The following LINC00305 variants were observed in gnomAD, a reference collection of about 807,000 sequenced individuals.
LINC00305 encodes the protein long independently transcribed non-coding RNA 305.
At chr18:64,083,481 T>C (rs1568102324) in intron 3 of LINC00305, among the ~76,000 whole-genome samples, 1 of 152,230 alleles carries the variant, frequency 6.6e-6, no homozygotes, top group Admixed American at 6.5e-5. Context: ...TTCAATACAC[T>C]GTACGTGCTA....
chr18:64,122,014 C>T (rs1007441678), intron 1 of LINC00305, among the ~76,000 whole-genome samples: 2 of 151,814 alleles, frequency 1.3e-5, no homozygotes, highest in Non-Finnish European at 2.9e-5. Context: ...TGTCTTTTGC[C>T]CACTTTTTAA....
At chr18:64,142,430 A>G (rs1283917242) in intron 1 of LINC00305, among the ~76,000 whole-genome samples, 1 of 152,156 alleles carries the variant, frequency 6.6e-6, no homozygotes, top group Non-Finnish European at 1.5e-5. Context: ...TATTTACCAG[A>G]GGATTGTGAG....
chr18:64,095,077 G>A (rs2051240179), intron 3 of LINC00305, among the ~76,000 whole-genome samples: 1 of 151,968 alleles, frequency 6.6e-6, no homozygotes, highest in South Asian at 2.1e-4. Context: ...TTTCTTTTAG[G>A]CTGCTGGCTT....
chr18:64,144,080 C>T (rs2051485386), intron 1 of LINC00305, among the ~76,000 whole-genome samples: 3 of 152,054 alleles, frequency 2.0e-5, no homozygotes, highest in Admixed American at 1.3e-4. Context: ...TCTTTTTATG[C>T]CCTGTTTGGC....
At chr18:64,097,749 T>C (rs554052584) in intron 3 of LINC00305, 2 of 404,020 alleles carry the variant, frequency 5.0e-6, no homozygotes, top group East Asian at 7.2e-5. Context: ...AGTCCTCATA[T>C]TGAATACTAA....
Position 64,098,389 on chromosome 18 carries a change from C to T in LINC00305, n.378+188G>A, listed in dbSNP as rs137924977. Among the ~76,000 whole-genome samples the T allele has an allele frequency of 2.0e-3, 298 of 152,254 alleles. 1 individual carries two copies. Among genetic ancestry groups the T allele is most frequent in the African/African-American group, 7.0e-3 (291 of 41,564 alleles). On this transcript the variant is annotated intron_variant and non_coding_transcript_variant, in intron 2 of 3. Coordinates refer to ENST00000666468, the Ensembl canonical transcript of LINC00305. ...TAATTCTTTTTTAATTGGCATGGAT[C>T]ACACACCAGTTCCACATTCAATTAG...
intron 3 of LINC00305, among the ~76,000 whole-genome samples, chr18:64,089,630 G>A (rs2051217360): frequency 1.3e-5 from 2 of 152,156 alleles, no homozygotes; most frequent in African/African-American, 4.8e-5. Context: ...GCCTGTATTA[G>A]TCCATTTTCA....
intron 3 of LINC00305, among the ~76,000 whole-genome samples, chr18:64,081,456 T>C (rs2051184576): frequency 6.6e-6 from 1 of 152,198 alleles, no homozygotes; most frequent in Non-Finnish European, 1.5e-5. Context: ...GGGTATGAGC[T>C]CATAAGATGT....
chr18:64,126,105 T>C (rs557343685), intron 1 of LINC00305, among the ~76,000 whole-genome samples: 6 of 152,202 alleles, frequency 3.9e-5, no homozygotes, highest in Non-Finnish European at 7.4e-5. Flanking sequence ...TTACCCAGTC[T>C]GTGATATTTT....
At chr18:64,118,941 G>T (rs1252123424) in intron 1 of LINC00305, among the ~76,000 whole-genome samples, 2 of 151,070 alleles carry the variant, frequency 1.3e-5, no homozygotes, top group Non-Finnish European at 3.0e-5. Context: ...GTTGTTTGAT[G>T]ATTGATTTGT....
At chr18:64,127,796 A>T (rs1178542278) in intron 1 of LINC00305, among the ~76,000 whole-genome samples, 1 of 152,096 alleles carries the variant, frequency 6.6e-6, no homozygotes, top group Admixed American at 6.6e-5. Flanking sequence ...GTGTTTCTGC[A>T]TTGCTATTCT....
intron 1 of LINC00305, among the ~76,000 whole-genome samples, chr18:64,121,226 CAT>C (rs1463530318): frequency 2.6e-5 from 4 of 151,978 alleles, no homozygotes; most frequent in African/African-American, 7.2e-5. Context: ...ATTTATGGGA[CAT>C]ATGTGTAATT....
intron 3 of LINC00305, among the ~76,000 whole-genome samples, chr18:64,082,622 G>A (rs79551794): frequency 1.6e-3 from 237 of 152,264 alleles, no homozygotes; most frequent in African/African-American, 5.5e-3. Flanking sequence ...CACATCACTG[G>A]CTTGCTGACA....
intron 3 of LINC00305, among the ~76,000 whole-genome samples, chr18:64,096,879 A>T (rs1473179149): frequency 6.6e-6 from 1 of 151,968 alleles, no homozygotes; most frequent in Non-Finnish European, 1.5e-5. Context: ...ATGAACACAA[A>T]GTTAGTTTAC....
chr18:64,116,023 T>C (rs1189039447), intron 1 of LINC00305, among the ~76,000 whole-genome samples: 1 of 152,158 alleles, frequency 6.6e-6, no homozygotes, highest in Non-Finnish European at 1.5e-5. Flanking sequence ...TGCCCTAAAA[T>C]CCCTCCTCCA....
intron 1 of LINC00305, among the ~76,000 whole-genome samples, chr18:64,119,688 C>T (rs1555667404): frequency 6.6e-6 from 1 of 152,034 alleles, no homozygotes; most frequent in Non-Finnish European, 1.5e-5. Flanking sequence ...GGAGAAGTAC[C>T]TCTCCCATGT....
chr18:64,099,183 G>A (rs75605107), intron 1 of LINC00305, among the ~76,000 whole-genome samples: 4,775 of 152,152 alleles, frequency 0.031, 245 homozygotes, highest in African/African-American at 0.11. Flanking sequence ...TATATTAAAT[G>A]CTATATACCT....
intron 1 of LINC00305, among the ~76,000 whole-genome samples, chr18:64,140,303 G>T (rs2051455870): frequency 6.6e-6 from 1 of 151,984 alleles, no homozygotes; most frequent in Non-Finnish European, 1.5e-5. Flanking sequence ...CTGCCTCCCT[G>T]GTTCAAGTGA....
intron 3 of LINC00305, among the ~76,000 whole-genome samples, chr18:64,088,932 C>G (rs999653423): frequency 1.3e-5 from 2 of 152,042 alleles, no homozygotes; most frequent in Non-Finnish European, 2.9e-5. Context: ...AAAACGGGAC[C>G]AACCTTAGGG....
Sources: allele counts gnomAD v4.1 joint callset (sites outside exome capture counted in the v4.1 genomes callset), GRCh38; gene constraint gnomAD v4.1.1; transcripts MANE v1.5; gene names NCBI Gene and HGNC (gene_info 2026-07-23, HGNC 2026-07-21).